The following LTAP1 variants were observed in gnomAD, a reference collection of about 807,000 sequenced individuals.
LTAP1 encodes the protein lipid transport auxiliary protein 1.
chr1:154,217,451 T>C, the LTAP1 span, among the ~76,000 whole-genome samples: 9 of 152,202 alleles, frequency 5.9e-5, no homozygotes, highest in African/African-American at 2.2e-4. Flanking sequence ...TTCTGCCTGT[T>C]CTAGAATTTC....
chr1:154,220,089 G>C, the LTAP1 span: 1 of 749,656 alleles, frequency 1.3e-6, no homozygotes, highest in Non-Finnish European at 2.2e-6. Context: ...CGTTATGATG[G>C]GGGTGGATCT....
chr1:154,220,314 C>T, the LTAP1 span: 1 of 1,613,540 alleles, frequency 6.2e-7, no homozygotes, highest in South Asian at 1.1e-5. Flanking sequence ...GATGCGACAG[C>T]AGGAATGGGG....
the LTAP1 span, chr1:154,214,418 G>T: frequency 7.6e-7 from 1 of 1,315,276 alleles, no homozygotes; most frequent in Non-Finnish European, 1.1e-6. Flanking sequence ...TGGACTTGTG[G>T]GACTCCTCAC....
chr1:154,207,743 T>A, the LTAP1 span: 1 of 1,021,652 alleles, frequency 9.8e-7, no homozygotes, highest in Non-Finnish European at 1.4e-6. Flanking sequence ...TAGTCACAAA[T>A]AGTTATTTGT....
chr1:154,210,749 T>A, the LTAP1 span, among the ~76,000 whole-genome samples: 2 of 152,166 alleles, frequency 1.3e-5, no homozygotes, highest in African/African-American at 2.4e-5. Context: ...AGTGTTGGGA[T>A]TACAGGTGTG....
the LTAP1 span, among the ~76,000 whole-genome samples, chr1:154,218,304 T>C: frequency 6.6e-6 from 1 of 152,244 alleles, no homozygotes; most frequent in Non-Finnish European, 1.5e-5. Flanking sequence ...GTGGTTTTAC[T>C]AATTTATACT....
At chr1:154,214,501 T>C in the LTAP1 span, 1 of 1,614,094 alleles carries the variant, frequency 6.2e-7, no homozygotes, top group Non-Finnish European at 8.5e-7. Context: ...AGCATCATCA[T>C]CTGCAAGGAG....
the LTAP1 span, among the ~76,000 whole-genome samples, chr1:154,209,820 G>T: frequency 6.6e-6 from 1 of 151,674 alleles, no homozygotes; most frequent in Non-Finnish European, 1.5e-5. Context: ...CCGCTCTCCT[G>T]ATTTCATGAA....
the LTAP1 span, among the ~76,000 whole-genome samples, chr1:154,209,701 C>A: frequency 1.1e-4 from 16 of 152,102 alleles, no homozygotes; most frequent in South Asian, 3.1e-3. Context: ...ATTCTCCTGC[C>A]CCAGCCTCCC....
At chr1:154,217,971 C>T in the LTAP1 span, among the ~76,000 whole-genome samples, 2 of 152,044 alleles carry the variant, frequency 1.3e-5, no homozygotes, top group African/African-American at 4.8e-5. Context: ...TTGCTCTTGC[C>T]CATGCTGGAG....
the LTAP1 span, among the ~76,000 whole-genome samples, chr1:154,219,265 A>G: frequency 6.6e-6 from 1 of 152,216 alleles, no homozygotes; most frequent in Non-Finnish European, 1.5e-5. Flanking sequence ...TAGGATAGAG[A>G]TAAAATTTCA....
the LTAP1 span, chr1:154,211,995 T>G: frequency 3.6e-6 from 1 of 275,214 alleles, no homozygotes; most frequent in African/African-American, 2.2e-5. Flanking sequence ...AAGCTAGGAT[T>G]ACAGGCATGC....
chr1:154,219,556 T>G, the LTAP1 span, among the ~76,000 whole-genome samples: 1 of 152,182 alleles, frequency 6.6e-6, no homozygotes, highest in Non-Finnish European at 1.5e-5. Flanking sequence ...TAAGATGAGC[T>G]GGGAAATATT....
chr1:154,216,069 C>T, the LTAP1 span, among the ~76,000 whole-genome samples: 1 of 152,198 alleles, frequency 6.6e-6, no homozygotes, highest in East Asian at 1.9e-4. Context: ...GATCTGCTGA[C>T]CTCATGATCC....
At chr1:154,207,410 G>C in the LTAP1 span, 2 of 1,599,206 alleles carry the variant, frequency 1.3e-6, no homozygotes, top group South Asian at 2.2e-5. Context: ...CTTGCACATT[G>C]CAACTGACTG....
the LTAP1 span, among the ~76,000 whole-genome samples, chr1:154,210,991 A>C: frequency 3.3e-5 from 5 of 152,076 alleles, no homozygotes; most frequent in African/African-American, 9.7e-5. Flanking sequence ...TAGTAAAAAT[A>C]GATTTTTTTA....
At chr1:154,215,363 G>A in the LTAP1 span, among the ~76,000 whole-genome samples, 2 of 151,892 alleles carry the variant, frequency 1.3e-5, no homozygotes, top group African/African-American at 2.4e-5. Context: ...TCAGGAGATC[G>A]AGACCATCCT....
At chr1:154,219,740 A>G in the LTAP1 span, 1 of 916,670 alleles carries the variant, frequency 1.1e-6, no homozygotes, top group East Asian at 2.6e-5. Context: ...GCAAAGAAAC[A>G]TGAGAATTAA....
At chr1:154,216,861 C>T in the LTAP1 span, among the ~76,000 whole-genome samples, 1 of 151,560 alleles carries the variant, frequency 6.6e-6, no homozygotes, top group Admixed American at 6.6e-5. Flanking sequence ...ATTGCCTACG[C>T]TGGTCTCGAA....
Sources: allele counts gnomAD v4.1 joint callset (sites outside exome capture counted in the v4.1 genomes callset), GRCh38; gene constraint gnomAD v4.1.1; transcripts MANE v1.5; gene names NCBI Gene and HGNC (gene_info 2026-07-23, HGNC 2026-07-21).